COBLL1: variants seen among roughly 807,000 people sequenced by gnomAD.
The protein encoded by COBLL1 is cordon-bleu protein-like 1.
A neutral mutation model predicts 94.8 loss-of-function variants in COBLL1; 50 were observed. That is an observed-to-expected ratio of 0.53 (90% CI 0.42 to 0.67). The LOEUF is 0.67. COBLL1 is among the 30% of genes least tolerant of loss of function. The pLI is 0.00. For missense variants in COBLL1, 1,362 were observed against 1,348.7 expected, an observed-to-expected ratio of 1.01 and a Z score of -0.15; for synonymous variants, 448 against 473.8, an observed-to-expected ratio of 0.95 and a Z score of 0.71.
intron 2 of COBLL1, among the ~76,000 whole-genome samples, chr2:164,659,247 C>T (rs1049409577): frequency 2.6e-5 from 4 of 152,120 alleles, no homozygotes; most frequent in African/African-American, 9.7e-5. Flanking sequence ...TAAAGTATTC[C>T]ATTATCACTG....
At chr2:164,699,320 GAGTTAAT>G in intron 11 of COBLL1, 78 bp downstream of exon 11, 1 of 840,846 alleles carries the variant, frequency 1.2e-6, no homozygotes, top group Non-Finnish European at 2.1e-6. Context: ...GAGATTAAAT[GAGTTAAT>G]ACATATAAAG....
chr2:164,732,321 C>G (rs749449886), intron 3 of COBLL1, among the ~76,000 whole-genome samples: 31 of 152,138 alleles, frequency 2.0e-4, no homozygotes, highest in Non-Finnish European at 3.4e-4. Context: ...ATAAATGTAT[C>G]TATATTGCCC....
chr2:164,799,754 C>T (rs936911181), intron 2 of COBLL1, among the ~76,000 whole-genome samples: 2 of 152,072 alleles, frequency 1.3e-5, no homozygotes, highest in African/African-American at 4.8e-5. Flanking sequence ...AGACACAGAT[C>T]AATGGAACAA....
intron 2 of COBLL1, among the ~76,000 whole-genome samples, chr2:164,791,597 T>C (rs781332139): frequency 6.6e-6 from 1 of 152,198 alleles, no homozygotes; most frequent in Admixed American, 6.5e-5. Context: ...CTGCCTGAAT[T>C]ACAGAGGCGA....
intron 9 of COBLL1, chr2:164,703,671 C>A: frequency 2.7e-6 from 1 of 370,140 alleles, no homozygotes; most frequent in South Asian, 2.1e-5. Flanking sequence ...CTAAATGTTT[C>A]CTGTATTTGG....
chr2:164,767,615 T>C (rs1240463774), intron 2 of COBLL1, among the ~76,000 whole-genome samples: 3 of 152,230 alleles, frequency 2.0e-5, no homozygotes, highest in Non-Finnish European at 4.4e-5. Context: ...TCTCCTTTTC[T>C]ACGTAGATCA....
intron 2 of COBLL1, chr2:164,800,619 C>G: frequency 1.4e-6 from 1 of 696,186 alleles, no homozygotes; most frequent in East Asian, 2.7e-5. Context: ...CTTGAATGTT[C>G]TATTCATAAT....
rs1245116277 is a variant in COBLL1, at chr2:164,728,684, T to C, written c.433-487A>G. 7.2e-5 allele frequency among the ~76,000 whole-genome samples: 11 copies of C among 152,174 alleles called. No individual in the cohort carries two copies. In the South Asian group the frequency reaches 2.1e-3, roughly 29 times the overall value. On this transcript the variant is annotated intron_variant, in intron 4 of 13. Coordinates refer to ENST00000652658, the MANE Select transcript of COBLL1 (RefSeq NM_001365672.2). ...AACATTATAAATGAGATAATCCATA[T>C]GAAAAGCTTAGCAGACTTCCTGGCA...
chr2:164,673,852 A>G (rs1691289709), intron 1 of COBLL1, among the ~76,000 whole-genome samples: 1 of 152,114 alleles, frequency 6.6e-6, no homozygotes, highest in South Asian at 2.1e-4. Flanking sequence ...ATTAAACCTA[A>G]CCAAATTTTT....
intron 2 of COBLL1, among the ~76,000 whole-genome samples, chr2:164,775,684 C>T (rs1688429364): frequency 6.6e-6 from 1 of 152,078 alleles, no homozygotes; most frequent in South Asian, 2.1e-4. Context: ...GAACTCCTGA[C>T]CTCAAGTGAT....
chr2:164,821,128 C>T lies in COBLL1; in HGVS notation c.41+20028G>A, dbSNP rs866693639. ...GGTCTCAATCTCCTCACCTCATGAT[C>T]CACTCGCCTCCACCTCCCAAAGTGC... On this transcript the variant is annotated intron_variant, in intron 2 of 13. Coordinates refer to ENST00000652658, the MANE Select transcript of COBLL1 (RefSeq NM_001365672.2). 2.2e-4 allele frequency among the ~76,000 whole-genome samples: 33 copies of T among 152,156 alleles called. 1 individual carries two copies. The Middle Eastern group carries it at 0.01, about 47-fold the overall frequency.
intron 13 of COBLL1, among the ~76,000 whole-genome samples, chr2:164,689,358 G>C (rs1025319774): frequency 2.6e-4 from 40 of 152,174 alleles, no homozygotes; most frequent in Non-Finnish European, 2.6e-4. Context: ...CCAACTTTCT[G>C]ATGAACAATC....
chr2:164,730,578 C>G (rs955880163), intron 3 of COBLL1, among the ~76,000 whole-genome samples: 1 of 152,070 alleles, frequency 6.6e-6, no homozygotes, highest in Admixed American at 6.6e-5. Context: ...GATATTTAAA[C>G]AGACAAAATT....
At chr2:164,812,523 G>A (rs377150692) in intron 2 of COBLL1, among the ~76,000 whole-genome samples, 17 of 152,046 alleles carry the variant, frequency 1.1e-4, no homozygotes, top group African/African-American at 4.1e-4. Context: ...CACTATAGAG[G>A]CAACAACAGA....
chr2:164,672,669 G>A (rs1209209666), intron 1 of COBLL1, among the ~76,000 whole-genome samples: 3 of 136,250 alleles, frequency 2.2e-5, no homozygotes, highest in Non-Finnish European at 3.0e-5. Context: ...ACTGCAGTCC[G>A]CAGTCCGGCC....
At chr2:164,774,212 C>T (rs1688352437) in intron 2 of COBLL1, among the ~76,000 whole-genome samples, 1 of 152,144 alleles carries the variant, frequency 6.6e-6, no homozygotes, top group South Asian at 2.1e-4. Flanking sequence ...AAAAAGCAGG[C>T]ATTTAATTTT....
chr2:164,782,075 A>C (rs1288490388), intron 2 of COBLL1, among the ~76,000 whole-genome samples: 1 of 152,092 alleles, frequency 6.6e-6, no homozygotes, highest in Non-Finnish European at 1.5e-5. Flanking sequence ...TCCAGCCAAC[A>C]CTTCTAATTC....
intron 2 of COBLL1, among the ~76,000 whole-genome samples, chr2:164,791,524 A>G (rs1327696396): frequency 1.3e-5 from 2 of 152,184 alleles, no homozygotes; most frequent in Admixed American, 6.5e-5. Flanking sequence ...ATACACATAC[A>G]TACATACATA....
chr2:164,764,277 T>C (rs1687832500), intron 2 of COBLL1, among the ~76,000 whole-genome samples: 1 of 152,192 alleles, frequency 6.6e-6, no homozygotes, highest in African/African-American at 2.4e-5. Flanking sequence ...TGTAACCAGT[T>C]GTCTTACTAT....
Sources: allele counts gnomAD v4.1 joint callset (sites outside exome capture counted in the v4.1 genomes callset), GRCh38; gene constraint gnomAD v4.1.1; transcripts MANE v1.5; gene names NCBI Gene and HGNC (gene_info 2026-07-23, HGNC 2026-07-21).